The following LAMA2 variants were observed in gnomAD, a reference collection of about 807,000 sequenced individuals.
LAMA2 encodes the protein laminin subunit alpha 2.
In LAMA2, 269 loss-of-function variants were observed where a neutral mutation model predicts 364.8. The ratio of observed to expected loss-of-function variants is 0.74; its 90% CI spans 0.67 to 0.82. The LOEUF is 0.82. Ranked by LOEUF, LAMA2 falls within the 40% of genes least tolerant of loss-of-function variation. The probability of loss-of-function intolerance (pLI) is 0.00; values close to 1 mark genes in which losing one functional copy is unlikely to be tolerated. For synonymous variants in LAMA2, 1,379 were observed against 1,370.6 expected (o/e 1.01, Z -0.14); for missense variants, 3,807 against 3,873.2 (o/e 0.98, Z 0.45).
At chr6:129,031,399 T>TG (rs969907358) in intron 1 of LAMA2, among the ~76,000 whole-genome samples, 1 of 151,004 alleles carries the variant, frequency 6.6e-6, no homozygotes, top group African/African-American at 2.4e-5. Flanking sequence ...AAGCTGGGGG[T>TG]GGGGGGAATA....
intron 8 of LAMA2, among the ~76,000 whole-genome samples, chr6:129,159,475 G>A (rs540707776): frequency 6.6e-6 from 1 of 152,314 alleles, no homozygotes; most frequent in South Asian, 2.1e-4. Context: ...AGGATCTGCC[G>A]GGGAGAGCGG....
chr6:129,203,288 C>T (rs9321153), intron 12 of LAMA2, among the ~76,000 whole-genome samples: 3 of 152,194 alleles, frequency 2.0e-5, no homozygotes, highest in Admixed American at 1.3e-4. Context: ...GTTCTATGTG[C>T]GGCTCAGTGG....
At chr6:129,456,875 T>G (rs1395835867) in intron 48 of LAMA2, among the ~76,000 whole-genome samples, 1 of 152,196 alleles carries the variant, frequency 6.6e-6, no homozygotes, top group African/African-American at 2.4e-5. Flanking sequence ...ATTAAAAGAT[T>G]TATGAATACT....
chr6:129,242,778 C>T (rs535217561), intron 12 of LAMA2, among the ~76,000 whole-genome samples: 2 of 152,214 alleles, frequency 1.3e-5, no homozygotes, highest in East Asian at 1.9e-4. Context: ...CAGAGAATTT[C>T]ACCACTACCA....
chr6:129,047,284 T>A (rs187225499), intron 1 of LAMA2, among the ~76,000 whole-genome samples: 23 of 152,378 alleles, frequency 1.5e-4, no homozygotes, highest in South Asian at 1.0e-3. Context: ...TATGAATGTT[T>A]AATATTTCTC....
chr6:129,021,733 G>A (rs1287776120), intron 1 of LAMA2, among the ~76,000 whole-genome samples: 1 of 152,196 alleles, frequency 6.6e-6, no homozygotes, highest in Non-Finnish European at 1.5e-5. Context: ...ATAAGGACTT[G>A]TGGGTAAGGA....
At chr6:128,904,199 A>G (rs1777270036) in intron 1 of LAMA2, among the ~76,000 whole-genome samples, 1 of 152,090 alleles carries the variant, frequency 6.6e-6, no homozygotes, top group Non-Finnish European at 1.5e-5. Context: ...GTTAGTAACC[A>G]CCTCAAAAGA....
intron 1 of LAMA2, among the ~76,000 whole-genome samples, chr6:128,978,986 A>G (rs905772118): frequency 1.3e-5 from 2 of 152,038 alleles, no homozygotes; most frequent in Non-Finnish European, 2.9e-5. Flanking sequence ...AAAGAGTTTG[A>G]ATTGAGGAAG....
intron 7 of LAMA2, among the ~76,000 whole-genome samples, chr6:129,153,402 A>C (rs1295843467): frequency 1.3e-5 from 2 of 152,194 alleles, no homozygotes; most frequent in Non-Finnish European, 2.9e-5. Flanking sequence ...ACCCACATCC[A>C]AGACAGTTGG....
chr6:128,980,842 T>G (rs1782820988), intron 1 of LAMA2, among the ~76,000 whole-genome samples: 1 of 152,228 alleles, frequency 6.6e-6, no homozygotes, highest in Admixed American at 6.5e-5. Context: ...AACGTGTATA[T>G]CTTAAGATTT....
rs766909163 is a variant in LAMA2, at chr6:129,192,776, A to C, written c.1705A>C (p.Ile569Leu). 18 of 1,614,186 alleles carry C rather than the reference A, an allele frequency of 1.1e-5. No individual in the cohort carries two copies. The highest frequency in any genetic ancestry group is 1.5e-5 in the Non-Finnish European group (18 of 1,180,032). The stretch of plus-strand genomic sequence containing the variant: ...CTTGGACTCACCTCAGCAGATCAGC[A>C]TCAGTAACGCGGAGGCCCGGCAAGC... ...DDLDSPQQIS[I>L]SNAEARQALP... The change falls in exon 12 of 65, where the codon ATC (isoleucine) becomes CTC (leucine). Residue 569 changes from isoleucine (I) to leucine (L), a missense_variant. Around this residue, in one of 3 missense-constraint regions of LAMA2, gnomAD observed 3,333 missense variants for 3,345.7 expected, o/e 1.00. Transcript: ENST00000421865.
intron 18 of LAMA2, among the ~76,000 whole-genome samples, chr6:129,287,216 A>C (rs1371072585): frequency 2.0e-5 from 3 of 151,566 alleles, no homozygotes; most frequent in Non-Finnish European, 4.4e-5. Flanking sequence ...TATTCCTATA[A>C]TATGCAGGCA....
rs962125349 is a variant in LAMA2, at chr6:129,309,105, T to C, written c.3175-3756T>C. On this transcript the variant is annotated intron_variant, in intron 22 of 64. Transcript: ENST00000421865. Reference sequence around the variant, plus strand: ...ACTGTTTTTAAAACTGGGATGACTTTAATTTAAATGAACAGTGATTTGAGA... The same window carrying C: ...ACTGTTTTTAAAACTGGGATGACTTCAATTTAAATGAACAGTGATTTGAGA... Among the ~76,000 whole-genome samples, 29 of 152,368 alleles carry C rather than the reference T, an allele frequency of 1.9e-4. 1 individual carries two copies. Among genetic ancestry groups the C allele is most frequent in the African/African-American group, 6.5e-4 (27 of 41,582 alleles).
At chr6:129,505,792 A>G (rs923857001) in intron 61 of LAMA2, among the ~76,000 whole-genome samples, 2 of 151,856 alleles carry the variant, frequency 1.3e-5, no homozygotes, top group Non-Finnish European at 2.9e-5. Flanking sequence ...TCGGCCTCCC[A>G]AAGTGCTGGG....
rs1775533614 is a variant in LAMA2, at chr6:129,101,752, G to T, written c.639+3337G>T. On this transcript the variant is annotated intron_variant, in intron 4 of 64. Transcript: ENST00000421865. ...CCATTATTGCACAAAGTTCTGTTGG[G>T]CAATGCTACTTTAGATTGTACCTTT... Among the ~76,000 whole-genome samples, 4 of 152,204 alleles carry T rather than the reference G, an allele frequency of 2.6e-5. No homozygotes were observed. The South Asian group carries it at 8.3e-4, about 32-fold the overall frequency.
At chr6:128,892,053 A>G (rs1188194666) in intron 1 of LAMA2, among the ~76,000 whole-genome samples, 4 of 152,106 alleles carry the variant, frequency 2.6e-5, no homozygotes, top group Non-Finnish European at 5.9e-5. Context: ...TTGCCAGCTA[A>G]TCAGTAAATA....
chr6:129,129,911 G>A (rs1777358972), intron 4 of LAMA2, among the ~76,000 whole-genome samples: 1 of 130,282 alleles, frequency 7.7e-6, no homozygotes, highest in South Asian at 2.5e-4. Flanking sequence ...GCGACAGAGC[G>A]AGATTCCGTC....
At position 129,510,287 on chromosome 6, in the gene LAMA2, A is replaced by G. The variant is rs184769783; in HGVS notation, c.8858-2076A>G. On this transcript the variant is annotated intron_variant, in intron 62 of 64. Transcript: ENST00000421865. ...CTGCAGGATACAAAGTCAACATACA[A>G]AAATCAGTAACATTTCTATATGCCA... 1.2e-4 allele frequency among the ~76,000 whole-genome samples: 19 copies of G among 152,338 alleles called. No individual in the cohort carries two copies. The East Asian group carries it at 2.7e-3, about 22-fold the overall frequency.
intron 12 of LAMA2, 132 bp downstream of exon 12, chr6:129,192,985 C>A: frequency 4.1e-6 from 4 of 968,490 alleles, no homozygotes; most frequent in Non-Finnish European, 6.3e-6. Flanking sequence ...CCAGCTAAAT[C>A]ACATTGAGTT....
Sources: gnomAD v4.1 joint callset for allele counts (sites outside exome capture counted in the v4.1 genomes callset) on GRCh38, gnomAD v4.1.1 for gene constraint, gnomAD v4.1.1 regional missense constraint, MANE v1.5 for transcripts, NCBI Gene and HGNC (gene_info 2026-07-23, HGNC 2026-07-21) for gene names.